Variants in ATG3 observed in about 807,000 individuals in gnomAD.
The protein encoded by ATG3 is autophagy related 3.
A neutral mutation model predicts 50.7 loss-of-function variants in ATG3; 25 were observed. That is an observed-to-expected ratio of 0.49 (90% CI 0.36 to 0.69). ATG3 has a LOEUF of 0.69. Ranked by LOEUF, ATG3 falls within the 30% of genes least tolerant of loss-of-function variation. ATG3 has a pLI of 0.00. For synonymous variants in ATG3, 119 were observed against 125.5 expected (o/e 0.95, Z 0.34); for missense variants, 281 against 376.0 (o/e 0.75, Z 2.09).
At chr3:112,551,315 G>A (rs369769007) in intron 3 of ATG3, among the ~76,000 whole-genome samples, 1 of 152,182 alleles carries the variant, frequency 6.6e-6, no homozygotes, top group African/African-American at 2.4e-5. Flanking sequence ...ATTCAACAAT[G>A]TCATGGCAAC....
intron 6 of ATG3, among the ~76,000 whole-genome samples, chr3:112,543,559 A>G (rs1033218580): frequency 1.3e-5 from 2 of 152,238 alleles, no homozygotes. Context: ...ACCCCAAATT[A>G]CCAGTAATTG....
At chr3:112,533,680 T>C (rs2082571850) in intron 11 of ATG3, 14 of 985,340 alleles carry the variant, frequency 1.4e-5, no homozygotes, top group Non-Finnish European at 1.7e-5. Context: ...ATCTATGCTA[T>C]GAGTACATGT....
In ATG3 at chr3:112,548,547, G is replaced by A; in HGVS notation, c.329C>T (p.Thr110Ile). 1 of 1,611,090 alleles carries A rather than the reference G, an allele frequency of 6.2e-7. No individual in the cohort carries two copies. The highest frequency in any genetic ancestry group is 8.5e-7 in the Non-Finnish European group (1 of 1,177,386). ...TCTCCTCTTACCTGTGTTGTGATAT[G>A]TATCTACCCATCCGCCATCACCATC... is the stretch of plus-strand genomic sequence containing the variant. ...EDDGDGGWVD[T>I]YHNTGITGIT... Residue 110 changes from threonine to isoleucine, a missense_variant, in exon 5 of 12, where the codon ACA becomes ATA. Physicochemically the swap from Thr to Ile is moderately conservative, Grantham distance 89. Around this residue, in one of 3 missense-constraint regions of ATG3, gnomAD observed 242 missense variants for 305.0 expected, o/e 0.79. Coordinates refer to ENST00000283290, the MANE Select transcript of ATG3 (RefSeq NM_022488.5).
chr3:112,538,187 TA>T lies in ATG3; in HGVS notation c.476-8del, dbSNP rs769857068. The stretch of plus-strand genomic sequence containing the variant: ...AATCCACTCTCTTCATATTCTGTTA[TA>T]AAAAAACAACAAAAGATTAATCAAG... On this transcript the variant is annotated splice_region_variant and splice_polypyrimidine_tract_variant and intron_variant, in intron 7 of 11. Transcript: ENST00000283290. The T allele has an allele frequency of 3.2e-6, 5 of 1,571,638 alleles. No individual in the cohort carries two copies. Among genetic ancestry groups the T allele is most frequent in the Non-Finnish European group, 3.5e-6 (4 of 1,156,588 alleles).
chr3:112,550,260 G>A lies in ATG3; in HGVS notation c.167C>T (p.Ala56Val). The change falls in exon 4 of 12, where the codon GCT becomes GTT. Residue 56 changes from alanine (A) to valine (V), a missense_variant and splice_region_variant. By Grantham distance (64) the Ala-to-Val change is moderately conservative. This residue lies in a region of ATG3 where 17 missense variants were observed against 48.2 expected (regional missense o/e 0.35). Transcript: ENST00000283290. ...CTTCACTTTCAATTCTTCCCCTGTA[G>A]CCCTTTAAAAACAGTGAAAAGCACC... ...LVHHCPTWQWATGEELKVKAY... is the reference protein window; with the variant it reads ...LVHHCPTWQWVTGEELKVKAY... The A allele has an allele frequency of 6.2e-7, 1 of 1,610,662 alleles. No individual in the cohort carries two copies. Among genetic ancestry groups the A allele is most frequent in the Non-Finnish European group, 8.5e-7 (1 of 1,178,666 alleles).
chr3:112,546,380 C>T (rs1426147146), intron 5 of ATG3, among the ~76,000 whole-genome samples: 1 of 152,136 alleles, frequency 6.6e-6, no homozygotes, highest in Non-Finnish European at 1.5e-5. Context: ...AGCATGCATA[C>T]ACTAGACAAT....
intron 9 of ATG3, 106 bp downstream of exon 9, chr3:112,537,629 C>A: frequency 3.6e-6 from 3 of 843,222 alleles, no homozygotes; most frequent in South Asian, 2.9e-5. Flanking sequence ...AGATGATTTC[C>A]AAAATGTGAA....
chr3:112,537,875 T>C lies in ATG3; in HGVS notation c.526A>G (p.Arg176Gly). The change falls in exon 9 of 12, where the codon AGG (arginine) becomes GGG (glycine). Residue 176 changes from arginine to glycine, a missense_variant. This residue lies in a region of ATG3 where 242 missense variants were observed against 305.0 expected (regional missense o/e 0.79). Transcript: ENST00000283290. ...GCTTTACAAGCTTCTACTATTTTCC[T>C]TGTATCTAGGGTAGCCTGAAAATAA... Reference protein sequence around the residue: ...LETDEATLDTRKIVEACKAKT... With the variant: ...LETDEATLDTGKIVEACKAKT... The C allele has an allele frequency of 6.2e-7, 1 of 1,609,972 alleles. No homozygotes were observed. The highest frequency in any genetic ancestry group is 8.5e-7 in the Non-Finnish European group (1 of 1,178,748).
intron 2 of ATG3, among the ~76,000 whole-genome samples, chr3:112,555,517 A>G (rs1010541436): frequency 6.6e-6 from 1 of 152,192 alleles, no homozygotes; most frequent in Non-Finnish European, 1.5e-5. Flanking sequence ...TACATCCAAC[A>G]TTAGTTTTTT....
At position 112,534,343 on chromosome 3, in the gene ATG3, AGC is replaced by A; in HGVS notation, c.795-8_795-7del. ...TCTTCATCACCTCAGCATGCCTAGAAGCCAAAAAAAAAAAAAATTGTTAATGT... is the reference window on the plus strand; with the variant it reads ...TCTTCATCACCTCAGCATGCCTAGAACAAAAAAAAAAAAAATTGTTAATGT... On this transcript the variant is annotated splice_polypyrimidine_tract_variant and splice_region_variant and intron_variant, in intron 10 of 11. Transcript: ENST00000283290. 3 of 1,394,954 alleles carry A rather than the reference AGC, an allele frequency of 2.2e-6. No homozygotes were observed. Among genetic ancestry groups the A allele is most frequent in the Admixed American group, 3.1e-5 (1 of 32,336 alleles). The allele number at this position is 1,394,954 out of a possible 1,614,324, so 86.4% of individuals were successfully genotyped here.
At chr3:112,537,113 G>C (rs1366602980) in intron 9 of ATG3, among the ~76,000 whole-genome samples, 2 of 151,908 alleles carry the variant, frequency 1.3e-5, no homozygotes, top group Non-Finnish European at 2.9e-5. Flanking sequence ...GGAGGGACAG[G>C]AAGGAGTCAC....
At position 112,561,594 on chromosome 3, in the gene ATG3, G is replaced by T; in HGVS notation, c.-66C>A. ...AAGTGCAGCCGTGTCAGGGGCCAGG[G>T]AGTCAGAAAATGTCCTCGCTGCCAC... On this transcript the variant is annotated 5_prime_UTR_variant, in exon 1 of 12. Coordinates refer to ENST00000283290, the MANE Select transcript of ATG3 (RefSeq NM_022488.5). 1 of 1,519,326 alleles carries T rather than the reference G, an allele frequency of 6.6e-7. No individual in the cohort carries two copies. Among genetic ancestry groups the T allele is most frequent in the Admixed American group, 1.8e-5 (1 of 54,192 alleles). The allele number at this position is 1,519,326 out of a possible 1,614,324, so 94.1% of individuals were successfully genotyped here. A position where few individuals can be genotyped will look rare whatever the true frequency, so the allele number is the denominator to read the frequency against.
At chr3:112,551,494 C>T (rs1257431882) in intron 3 of ATG3, among the ~76,000 whole-genome samples, 5 of 152,070 alleles carry the variant, frequency 3.3e-5, no homozygotes, top group African/African-American at 9.7e-5. Context: ...TAATTCAGTT[C>T]TAAGTTACAA....
chr3:112,544,110 T>C lies in ATG3; in HGVS notation c.344-4A>G, dbSNP rs3736271. On this transcript the variant is annotated splice_region_variant and splice_polypyrimidine_tract_variant and intron_variant, in intron 5 of 11. Transcript: ENST00000283290. ...GCTTCCGTTATTCCTGTAATACCTA[T>C]GTAAAATTCGGCAGAAAAGAATAAC... 88,267 of 1,596,050 alleles carry C rather than the reference T, an allele frequency of 0.055. 3,220 individuals carry two copies. Among genetic ancestry groups the C allele is most frequent in the Admixed American group, 0.17 (10,142 of 59,702 alleles).
intron 2 of ATG3, 56 bp downstream of exon 2, chr3:112,558,320 A>G (rs1559849831): frequency 2.3e-6 from 3 of 1,318,866 alleles, no homozygotes; most frequent in Non-Finnish European, 3.2e-6. Flanking sequence ...CAGAAAAGCC[A>G]CCTAGTTTAG....
At chr3:112,550,925 TA>T (rs1443990142) in intron 3 of ATG3, among the ~76,000 whole-genome samples, 1 of 152,234 alleles carries the variant, frequency 6.6e-6, no homozygotes, top group African/African-American at 2.4e-5. Flanking sequence ...ATTTTATAGT[TA>T]AGTAAACTAA....
Position 112,561,834 on chromosome 3 carries a change from A to T in ATG3, c.-306T>A, listed in dbSNP as rs1559852063. 5.2e-6 allele frequency: 2 copies of T among 381,806 alleles called. No individual in the cohort carries two copies. The highest frequency in any genetic ancestry group is 4.7e-6 in the Non-Finnish European group (1 of 211,102). 23.7% of individuals were successfully genotyped at this position (381,806 alleles called of 1,614,324 possible). On this transcript the variant is annotated 5_prime_UTR_variant, in exon 1 of 12. Transcript: ENST00000283290. ...AAGGGAGACCTGAGGTGAGAAGCGG[A>T]CGCACACGCACCCCTCGCCCTCTGC...
chr3:112,534,825 A>G (rs1932980929), intron 10 of ATG3: 1 of 151,378 alleles, frequency 6.6e-6, no homozygotes, highest in Admixed American at 6.6e-5. Flanking sequence ...AAAAAAGCAA[A>G]GAGGTATCTA....
chr3:112,558,196 G>A, intron 2 of ATG3, 180 bp downstream of exon 2: 2 of 573,976 alleles, frequency 3.5e-6, no homozygotes, highest in Non-Finnish European at 6.3e-6. Context: ...GTGGCAAACT[G>A]ACGGGGAAGT....
Sources: gnomAD v4.1 joint callset for allele counts (sites outside exome capture counted in the v4.1 genomes callset) on GRCh38, gnomAD v4.1.1 for gene constraint, gnomAD v4.1.1 regional missense constraint, MANE v1.5 for transcripts, NCBI Gene and HGNC (gene_info 2026-07-23, HGNC 2026-07-21) for gene names.